Variants in CFAP299 observed in about 807,000 individuals in gnomAD.
The protein encoded by CFAP299 is cilia and flagella associated protein 299, also known as cilia- and flagella-associated protein 299.
Under a neutral mutation model 27.0 loss-of-function variants are expected in CFAP299, and 21 were observed. The observed-to-expected ratio is 0.78, with a 90% CI of 0.55 to 1.12. The LOEUF is 1.12. CFAP299 is among the 50% of genes most tolerant of loss of function. The pLI is 0.00. For missense variants in CFAP299, 310 were observed against 276.6 expected (o/e 1.12, Z -0.86); for synonymous variants, 104 against 98.1 (o/e 1.06, Z -0.36).
intron 3 of CFAP299, among the ~76,000 whole-genome samples, chr4:80,813,173 G>A (rs189912247): frequency 9.9e-5 from 15 of 152,038 alleles, no homozygotes; most frequent in Admixed American, 6.6e-4. Flanking sequence ...TGATATGCAC[G>A]TAAACATCTA....
At chr4:80,368,261 A>G (rs1337028588) in intron 2 of CFAP299, among the ~76,000 whole-genome samples, 4 of 152,180 alleles carry the variant, frequency 2.6e-5, no homozygotes, top group Non-Finnish European at 5.9e-5. Flanking sequence ...CAGATGCTGT[A>G]TATACATGGA....
chr4:80,899,971 A>T (rs1337978932), intron 4 of CFAP299, among the ~76,000 whole-genome samples: 1 of 152,148 alleles, frequency 6.6e-6, no homozygotes. Context: ...TGGTGACTTT[A>T]TAAGAACAGT....
intron 3 of CFAP299, among the ~76,000 whole-genome samples, chr4:80,685,925 G>C (rs1720160466): frequency 6.6e-6 from 1 of 151,976 alleles, no homozygotes; most frequent in Non-Finnish European, 1.5e-5. Context: ...GCCTGCCATG[G>C]GATCTACATA....
At chr4:80,382,296 T>A (rs1724740857) in intron 2 of CFAP299, among the ~76,000 whole-genome samples, 1 of 152,210 alleles carries the variant, frequency 6.6e-6, no homozygotes, top group African/African-American at 2.4e-5. Context: ...GCAAAACTGC[T>A]TGTCAGTCAA....
chr4:80,931,654 C>A (rs1191689340), intron 4 of CFAP299, among the ~76,000 whole-genome samples: 7 of 151,984 alleles, frequency 4.6e-5, no homozygotes, highest in African/African-American at 7.3e-5. Flanking sequence ...AAAGACTGCA[C>A]AGGGAGGCTT....
chr4:80,958,965 C>CT (rs1368411191), intron 5 of CFAP299, among the ~76,000 whole-genome samples: 1 of 152,170 alleles, frequency 6.6e-6, no homozygotes, highest in African/African-American at 2.4e-5. Flanking sequence ...TATCAATAAA[C>CT]TACAGGGACC....
At chr4:80,859,625 C>T in intron 3 of CFAP299, among the ~76,000 whole-genome samples, 1 of 151,992 alleles carries the variant, frequency 6.6e-6, no homozygotes, top group Admixed American at 6.6e-5. Context: ...AATCTCTCAG[C>T]ATTTGCTTGT....
chr4:80,775,669 G>A (rs1726495236), intron 3 of CFAP299, among the ~76,000 whole-genome samples: 1 of 151,904 alleles, frequency 6.6e-6, no homozygotes, highest in East Asian at 1.9e-4. Context: ...AAAAAAATCA[G>A]CCCAAATATG....
chr4:80,656,692 G>T (rs1260055468), intron 3 of CFAP299, among the ~76,000 whole-genome samples: 3 of 152,126 alleles, frequency 2.0e-5, no homozygotes, highest in Admixed American at 2.0e-4. Context: ...ACATACATGT[G>T]CATGTGTCTT....
At chr4:80,439,978 G>A (rs912722473) in intron 2 of CFAP299, among the ~76,000 whole-genome samples, 3 of 152,180 alleles carry the variant, frequency 2.0e-5, no homozygotes, top group East Asian at 1.9e-4. Flanking sequence ...CTGCAAAGCC[G>A]CTGTAGTTAA....
At chr4:80,789,346 A>G (rs1313456402) in intron 3 of CFAP299, among the ~76,000 whole-genome samples, 1 of 152,036 alleles carries the variant, frequency 6.6e-6, no homozygotes, top group African/African-American at 2.4e-5. Flanking sequence ...CTGACTTATT[A>G]GTATATTTGG....
At chr4:80,935,777 G>A (rs1032241201) in intron 4 of CFAP299, among the ~76,000 whole-genome samples, 5 of 151,914 alleles carry the variant, frequency 3.3e-5, no homozygotes, top group African/African-American at 1.2e-4. Context: ...GAGTAAACAG[G>A]CAACCTACAG....
At chr4:80,710,710 C>A (rs1362916073) in intron 3 of CFAP299, among the ~76,000 whole-genome samples, 1 of 151,938 alleles carries the variant, frequency 6.6e-6, no homozygotes, top group Non-Finnish European at 1.5e-5. Flanking sequence ...TCACTTACTT[C>A]AGCCCTGACA....
At chr4:80,855,722 C>A (rs981082269) in intron 3 of CFAP299, among the ~76,000 whole-genome samples, 1 of 152,168 alleles carries the variant, frequency 6.6e-6, no homozygotes, top group African/African-American at 2.4e-5. Flanking sequence ...TATGTCCCTA[C>A]AAAGGACATG....
At chr4:80,428,525 C>CT (rs1252826814) in intron 2 of CFAP299, among the ~76,000 whole-genome samples, 1 of 151,724 alleles carries the variant, frequency 6.6e-6, no homozygotes, top group Admixed American at 6.6e-5. Context: ...AATAACATTG[C>CT]TTTTTTTTCT....
At position 80,684,278 on chromosome 4, in the gene CFAP299, G is replaced by C. The variant is rs907912249; in HGVS notation, c.333+101095G>C. On this transcript the variant is annotated intron_variant, in intron 3 of 5. Transcript: ENST00000358105. ...TCTAAGATGACTTCTTTTTTTTGGG[G>C]GGGGGGGACGGAGCCTCACTTTGTT... Among the ~76,000 whole-genome samples the C allele has an allele frequency of 1.3e-4, 19 of 151,168 alleles. No homozygotes were observed. The East Asian group carries it at 1.6e-3, about 12-fold the overall frequency.
intron 2 of CFAP299, among the ~76,000 whole-genome samples, chr4:80,453,122 A>G (rs111346500): frequency 0.012 from 1,851 of 152,336 alleles, 24 homozygotes; most frequent in Middle Eastern, 0.031. Flanking sequence ...CACGTTTCAT[A>G]TGATTGACAT....
chr4:80,354,117 TCAAAA>T (rs1723146108), intron 1 of CFAP299, among the ~76,000 whole-genome samples: 1 of 152,158 alleles, frequency 6.6e-6, no homozygotes. Context: ...ATTTAATAAT[TCAAAA>T]CAATTCAAAA....
Position 80,940,147 on chromosome 4 carries a change from G to A in CFAP299, c.477-4663G>A, listed in dbSNP as rs186904296. Among the ~76,000 whole-genome samples the A allele has an allele frequency of 4.1e-3, 618 of 152,150 alleles. 1 individual carries two copies. The highest frequency in any genetic ancestry group is 0.014 in the Middle Eastern group (4 of 294). ...AGATGAGGTTTTCCATAGAGCTCAC[G>A]GGTGGGCCTCTTGGTGGAGTCCATA... On this transcript the variant is annotated intron_variant, in intron 4 of 5. Coordinates refer to ENST00000358105, the MANE Select transcript of CFAP299 (RefSeq NM_152770.3).
Sources: gnomAD v4.1 joint callset for allele counts (sites outside exome capture counted in the v4.1 genomes callset) on GRCh38, gnomAD v4.1.1 for gene constraint, MANE v1.5 for transcripts, NCBI Gene and HGNC (gene_info 2026-07-23, HGNC 2026-07-21) for gene names.